The following SYT1 variants were observed in gnomAD, a reference collection of about 807,000 sequenced individuals.
The protein encoded by SYT1 is synaptotagmin-1.
Under a neutral mutation model 44.8 loss-of-function variants are expected in SYT1, and 8 were observed. The ratio of observed to expected loss-of-function variants is 0.18; its 90% CI spans 0.10 to 0.32. The LOEUF (loss-of-function observed/expected upper bound fraction) is 0.32. Ranked by LOEUF, SYT1 falls within the 10% of genes least tolerant of loss-of-function variation. SYT1 has a pLI of 1.00. For missense variants in SYT1, 286 were observed against 509.3 expected (o/e 0.56, Z 4.22); for synonymous variants, 154 against 188.8 (o/e 0.82, Z 1.51).
intron 3 of SYT1, among the ~76,000 whole-genome samples, chr12:79,131,001 T>C (rs921675999): frequency 2.0e-5 from 3 of 152,160 alleles, no homozygotes; most frequent in African/African-American, 7.2e-5. Context: ...TCCCACTGCA[T>C]TACAACCATT....
At chr12:79,155,107 G>A (rs1013580516) in intron 3 of SYT1, among the ~76,000 whole-genome samples, 2 of 152,084 alleles carry the variant, frequency 1.3e-5, no homozygotes, top group African/African-American at 4.8e-5. Context: ...CAAGTTAATG[G>A]AAACAATGAA....
chr12:78,876,764 A>G (rs1169757705), intron 1 of SYT1, among the ~76,000 whole-genome samples: 14 of 66,368 alleles, frequency 2.1e-4, no homozygotes, highest in African/African-American at 1.1e-3. Flanking sequence ...TATTATATAT[A>G]TTATATATTT....
chr12:79,358,985 C>T (rs1369655470), intron 9 of SYT1, among the ~76,000 whole-genome samples: 1 of 152,178 alleles, frequency 6.6e-6, no homozygotes, highest in Non-Finnish European at 1.5e-5. Flanking sequence ...TGGCAGATTC[C>T]TCTTCTTGCC....
intron 4 of SYT1, among the ~76,000 whole-genome samples, chr12:79,277,967 A>G (rs11113427): frequency 0.2 from 30,669 of 151,870 alleles, 3,973 homozygotes; most frequent in East Asian, 0.42. Context: ...AGATATAACA[A>G]TCATAAATAT....
chr12:79,223,886 G>T (rs1875324916), intron 4 of SYT1, among the ~76,000 whole-genome samples: 1 of 152,146 alleles, frequency 6.6e-6, no homozygotes, highest in East Asian at 1.9e-4. Flanking sequence ...GCAAAGTCCT[G>T]TGCTCGCTTC....
chr12:79,302,211 T>C (rs1880184958), intron 8 of SYT1, among the ~76,000 whole-genome samples: 1 of 152,180 alleles, frequency 6.6e-6, no homozygotes. Flanking sequence ...GCATTATTTT[T>C]AATGTCATAA....
chr12:79,225,399 G>A lies in SYT1; in HGVS notation c.166+7714G>A, dbSNP rs1592871134. Among the ~76,000 whole-genome samples the A allele has an allele frequency of 2.0e-5, 3 of 152,292 alleles. No homozygotes were observed. The East Asian group carries it at 5.8e-4, about 29-fold the overall frequency. Reference sequence around the variant, plus strand: ...TCTTAGCAGGAAGACTTGTAAGCCAGTAGAGATGAAGATGGTCCAATACAT... The same window carrying A: ...TCTTAGCAGGAAGACTTGTAAGCCAATAGAGATGAAGATGGTCCAATACAT... On this transcript the variant is annotated intron_variant, in intron 4 of 10. Transcript: ENST00000261205.
intron 2 of SYT1, among the ~76,000 whole-genome samples, chr12:78,992,736 G>A (rs1254614519): frequency 6.6e-6 from 1 of 152,166 alleles, no homozygotes; most frequent in African/African-American, 2.4e-5. Flanking sequence ...GTGCAGTGAT[G>A]ATCTTCAGGG....
At chr12:79,258,400 C>A (rs898110714) in intron 4 of SYT1, among the ~76,000 whole-genome samples, 4 of 152,074 alleles carry the variant, frequency 2.6e-5, no homozygotes, top group African/African-American at 4.8e-5. Context: ...ACTGAGAGTT[C>A]TTCCAAGGAT....
At chr12:79,418,907 C>T (rs1868922788) in intron 9 of SYT1, among the ~76,000 whole-genome samples, 1 of 152,030 alleles carries the variant, frequency 6.6e-6, no homozygotes, top group Non-Finnish European at 1.5e-5. Context: ...CACCTGAGGC[C>T]CCACCCCAGA....
intron 4 of SYT1, among the ~76,000 whole-genome samples, chr12:79,270,445 T>A (rs1482673074): frequency 6.6e-6 from 1 of 152,182 alleles, no homozygotes; most frequent in African/African-American, 2.4e-5. Flanking sequence ...AGCAATGGTA[T>A]TACCTGTATT....
At chr12:79,270,529 T>C (rs1878367291) in intron 4 of SYT1, among the ~76,000 whole-genome samples, 1 of 152,112 alleles carries the variant, frequency 6.6e-6, no homozygotes, top group Non-Finnish European at 1.5e-5. Context: ...GGGATGAAAA[T>C]ATAGCTCATC....
chr12:79,178,370 C>T lies in SYT1; in HGVS notation c.-17-39133C>T, dbSNP rs141667720. On this transcript the variant is annotated intron_variant, in intron 3 of 10. Transcript: ENST00000261205. ...CACCATTATTTTTCTTTTTCATGCT[C>T]GTATTGTCTGAAATTTAGCTGATGA... Among the ~76,000 whole-genome samples the T allele has an allele frequency of 1.0e-2, 1,515 of 151,904 alleles. 25 individuals are homozygous for T. Among genetic ancestry groups the T allele is most frequent in the African/African-American group, 0.034 (1,427 of 41,474 alleles).
rs531314070 is a variant in SYT1, at chr12:79,190,150, T to A, written c.-17-27353T>A. On this transcript the variant is annotated intron_variant, in intron 3 of 10. Coordinates refer to ENST00000261205, the MANE Select transcript of SYT1 (RefSeq NM_005639.3). ...ATGTTTCTTGAATCATTTTTACAATTAATATCTGATTTATATTTCTTCTTT... is the reference window on the plus strand; with the variant it reads ...ATGTTTCTTGAATCATTTTTACAATAAATATCTGATTTATATTTCTTCTTT... Among the ~76,000 whole-genome samples, 10 of 152,290 alleles carry A rather than the reference T, an allele frequency of 6.6e-5. No individual in the cohort carries two copies. In the South Asian group the frequency reaches 1.9e-3, roughly 28 times the overall value.
chr12:78,876,843 T>TACATATA (rs1203219597), intron 1 of SYT1, among the ~76,000 whole-genome samples: 15 of 71,590 alleles, frequency 2.1e-4, no homozygotes, highest in African/African-American at 7.6e-4. Flanking sequence ...TTATATATAA[T>TACATATA]ATATATTATA....
Position 79,310,636 on chromosome 12 carries a change from C to T in SYT1, c.810+11085C>T, listed in dbSNP as rs569260138. ...GGCCATTTTCATGATATTGATTCTT[C>T]CTACCCGTGAGCATGGAATGTTCTT... On this transcript the variant is annotated intron_variant, in intron 8 of 10. Transcript: ENST00000261205. 5.3e-5 allele frequency among the ~76,000 whole-genome samples: 8 copies of T among 152,280 alleles called. No homozygotes were observed. The East Asian group carries it at 1.5e-3, about 29-fold the overall frequency.
At chr12:79,105,276 G>A (rs756779076) in intron 3 of SYT1, among the ~76,000 whole-genome samples, 2 of 152,128 alleles carry the variant, frequency 1.3e-5, no homozygotes, top group Non-Finnish European at 2.9e-5. Context: ...TGTGTGATGA[G>A]TACTTCTTGG....
chr12:79,180,851 C>A (rs1442853734), intron 3 of SYT1, among the ~76,000 whole-genome samples: 2 of 152,052 alleles, frequency 1.3e-5, no homozygotes, highest in Admixed American at 6.6e-5. Flanking sequence ...TCATCTTGAA[C>A]TGTAGTTCCC....
intron 2 of SYT1, among the ~76,000 whole-genome samples, chr12:78,986,958 A>G (rs992707403): frequency 1.3e-5 from 2 of 152,064 alleles, no homozygotes; most frequent in Non-Finnish European, 2.9e-5. Flanking sequence ...AAAATACTAA[A>G]GTTTTATGAA....
Sources: allele counts gnomAD v4.1 joint callset (sites outside exome capture counted in the v4.1 genomes callset), GRCh38; gene constraint gnomAD v4.1.1; transcripts MANE v1.5; gene names NCBI Gene and HGNC (gene_info 2026-07-23, HGNC 2026-07-21).